RNF169: variants seen among roughly 807,000 people sequenced by gnomAD.
The protein encoded by RNF169 is E3 ubiquitin-protein ligase RNF169.
Under a neutral mutation model 53.9 loss-of-function variants are expected in RNF169, and 24 were observed. That is an observed-to-expected ratio of 0.45 (90% CI 0.32 to 0.63). The LOEUF is 0.63. Ranked by LOEUF, RNF169 falls within the 20% of genes least tolerant of loss-of-function variation. RNF169 has a pLI of 0.04. For missense variants in RNF169, 883 were observed against 906.2 expected (o/e 0.97, Z 0.33); for synonymous variants, 396 against 363.5 (o/e 1.09, Z -1.02).
chr11:74,781,557 A>G (rs544536774), intron 1 of RNF169, among the ~76,000 whole-genome samples: 32 of 152,322 alleles, frequency 2.1e-4, no homozygotes, highest in Non-Finnish European at 4.0e-4. Flanking sequence ...GTATGTATAT[A>G]TTTGTACACA....
intron 4 of RNF169, among the ~76,000 whole-genome samples, chr11:74,826,828 G>A (rs962950240): frequency 6.6e-6 from 1 of 152,230 alleles, no homozygotes; most frequent in Admixed American, 6.5e-5. Flanking sequence ...TCACACTGGT[G>A]CAAGAGGTGG....
chr11:74,780,101 C>T (rs1183964574), intron 1 of RNF169, among the ~76,000 whole-genome samples: 1 of 152,202 alleles, frequency 6.6e-6, no homozygotes, highest in Non-Finnish European at 1.5e-5. Context: ...TGTGCACCTC[C>T]ACCTCTTGCA....
chr11:74,784,483 G>A (rs1177774997), intron 1 of RNF169, among the ~76,000 whole-genome samples: 2 of 152,214 alleles, frequency 1.3e-5, no homozygotes, highest in Non-Finnish European at 2.9e-5. Context: ...GTGGGACAAA[G>A]TCTGGGGAAA....
rs1278139356 is a variant in RNF169, at chr11:74,841,820, G to A, written c.*5090G>A. ...TTGGCCCTGGTTCCAGATTAATATA[G>A]CAGCAGGCAGATTGCCCCTTCTTGG... is the stretch of plus-strand genomic sequence containing the variant. On this transcript the variant is annotated 3_prime_UTR_variant, in exon 6 of 6. Coordinates refer to ENST00000299563, the MANE Select transcript of RNF169 (RefSeq NM_001098638.2). 1 of 152,268 alleles carries A rather than the reference G, an allele frequency of 6.6e-6. No homozygotes were observed. Among genetic ancestry groups the A allele is most frequent in the South Asian group, 2.1e-4 (1 of 4,820 alleles). 9.4% of individuals were successfully genotyped at this position (152,268 alleles called of 1,614,324 possible).
chr11:74,764,030 C>G (rs983839511), intron 1 of RNF169, among the ~76,000 whole-genome samples: 3 of 152,140 alleles, frequency 2.0e-5, no homozygotes, highest in African/African-American at 4.8e-5. Flanking sequence ...GAATTAACAA[C>G]AGAAAAGCAG....
intron 4 of RNF169, among the ~76,000 whole-genome samples, chr11:74,825,406 A>G (rs895881011): frequency 2.0e-5 from 3 of 152,200 alleles, no homozygotes; most frequent in African/African-American, 7.2e-5. Flanking sequence ...GAGGAATGAA[A>G]ATAAAAACCT....
chr11:74,840,586 A>C lies in RNF169; in HGVS notation c.*3856A>C, dbSNP rs2036370146. The C allele has an allele frequency of 1.3e-5, 2 of 152,080 alleles. No individual in the cohort carries two copies. The highest frequency in any genetic ancestry group is 4.1e-4 in the South Asian group (2 of 4,824). 9.4% of individuals were successfully genotyped at this position (152,080 alleles called of 1,614,324 possible). ...CACACCTCAATTCAGTAACCACCTAATCTCTCCCCCAACCTGATCTCTCAT... is the reference window on the plus strand; with the variant it reads ...CACACCTCAATTCAGTAACCACCTACTCTCTCCCCCAACCTGATCTCTCAT... On this transcript the variant is annotated 3_prime_UTR_variant, in exon 6 of 6. Transcript: ENST00000299563.
rs2035957384 is a variant in RNF169, at chr11:74,817,728, G to T, written c.842+14G>T. On this transcript the variant is annotated intron_variant, in intron 4 of 5. Coordinates refer to ENST00000299563, the MANE Select transcript of RNF169 (RefSeq NM_001098638.2). ...TTTCCTGGCAGGGTAAGAGACTGAT[G>T]CTGAATTCAGTCAGGGGTCTTTGGT... 1 of 1,489,854 alleles carries T rather than the reference G, an allele frequency of 6.7e-7. No homozygotes were observed. Among genetic ancestry groups the T allele is most frequent in the African/African-American group, 1.4e-5 (1 of 72,646 alleles). 92.3% of individuals were successfully genotyped at this position (1,489,854 alleles called of 1,614,324 possible).
chr11:74,765,787 C>T (rs1396204136), intron 1 of RNF169, among the ~76,000 whole-genome samples: 30 of 149,238 alleles, frequency 2.0e-4, no homozygotes, highest in African/African-American at 3.7e-4. Flanking sequence ...GGGCAACAAC[C>T]GCAGCCTGGG....
At chr11:74,808,236 G>C (rs2035830866) in intron 2 of RNF169, 1 of 152,006 alleles carries the variant, frequency 6.6e-6, no homozygotes, top group South Asian at 2.1e-4. Flanking sequence ...GAGGCAGAAG[G>C]ATACATTCTA....
chr11:74,751,786 A>G (rs1300918935), intron 1 of RNF169, among the ~76,000 whole-genome samples: 2 of 152,210 alleles, frequency 1.3e-5, no homozygotes, highest in African/African-American at 4.8e-5. Context: ...ATTTTAGAAT[A>G]CAAAAATATT....
At chr11:74,773,577 A>G (rs1005862059) in intron 1 of RNF169, among the ~76,000 whole-genome samples, 1 of 152,194 alleles carries the variant, frequency 6.6e-6, no homozygotes, top group African/African-American at 2.4e-5. Context: ...CAGGCACAAC[A>G]ATATTCTTAC....
At position 74,817,687 on chromosome 11, in the gene RNF169, ACTC is replaced by A. The variant is rs748905353; in HGVS notation, c.818_820del (p.Ser273del). On this transcript the variant is annotated inframe_deletion, in exon 4 of 6. Transcript: ENST00000299563. ...CGCTCGGCATTTGTTTCCAAGAACAACTCCTACTCCTTAGCTTTCCTGGCAGGG... is the reference window on the plus strand; with the variant it reads ...CGCTCGGCATTTGTTTCCAAGAACAACTACTCCTTAGCTTTCCTGGCAGGG... 6.2e-7 allele frequency: 1 copy of A among 1,612,152 alleles called. No homozygotes were observed. The highest frequency in any genetic ancestry group is 8.5e-7 in the Non-Finnish European group (1 of 1,178,346).
At chr11:74,792,234 T>C (rs2035589503) in intron 2 of RNF169, among the ~76,000 whole-genome samples, 1 of 152,328 alleles carries the variant, frequency 6.6e-6, no homozygotes, top group South Asian at 2.1e-4. Flanking sequence ...AAGAACAGGT[T>C]CTTAAATAAA....
chr11:74,792,181 GT>G (rs981365319), intron 2 of RNF169, among the ~76,000 whole-genome samples: 4 of 151,490 alleles, frequency 2.6e-5, no homozygotes, highest in Non-Finnish European at 5.9e-5. Context: ...TACTTACAAA[GT>G]TTTTTTTTCT....
At chr11:74,815,641 AATCT>A (rs1435711608) in intron 3 of RNF169, among the ~76,000 whole-genome samples, 1 of 152,172 alleles carries the variant, frequency 6.6e-6, no homozygotes, top group African/African-American at 2.4e-5. Flanking sequence ...ATACAAATAA[AATCT>A]ATCTTTTTGA....
chr11:74,828,189 G>C (rs1472059371), intron 4 of RNF169, among the ~76,000 whole-genome samples: 2 of 152,028 alleles, frequency 1.3e-5, no homozygotes, highest in African/African-American at 4.8e-5. Context: ...TACACCAGTA[G>C]CAGGTAACCA....
At chr11:74,787,923 C>G (rs896450667) in intron 1 of RNF169, among the ~76,000 whole-genome samples, 1 of 152,076 alleles carries the variant, frequency 6.6e-6, no homozygotes, top group Non-Finnish European at 1.5e-5. Flanking sequence ...ACTTTTTATT[C>G]TTAATATAAT....
intron 2 of RNF169, among the ~76,000 whole-genome samples, chr11:74,800,111 A>C (rs989603930): frequency 2.0e-5 from 3 of 151,932 alleles, no homozygotes; most frequent in Admixed American, 1.3e-4. Context: ...AGTCAGAAAT[A>C]ACTTTTAAAA....
Sources: gnomAD v4.1 joint callset for allele counts (sites outside exome capture counted in the v4.1 genomes callset) on GRCh38, gnomAD v4.1.1 for gene constraint, MANE v1.5 for transcripts, NCBI Gene and HGNC (gene_info 2026-07-23, HGNC 2026-07-21) for gene names.